The following PTPRM variants were observed in gnomAD, a reference collection of about 807,000 sequenced individuals.
The protein encoded by PTPRM is receptor-type tyrosine-protein phosphatase mu.
PTPRM carries 47 observed loss-of-function variants against 186.7 expected under a neutral mutation model. The ratio of observed to expected loss-of-function variants is 0.25; its 90% CI spans 0.20 to 0.32. PTPRM has a LOEUF of 0.32. PTPRM is among the 10% of genes least tolerant of loss of function. The pLI, the probability that PTPRM is intolerant of heterozygous loss-of-function variation, is 1.00. For synonymous variants in PTPRM, 668 were observed against 674.9 expected, an observed-to-expected ratio of 0.99 and a Z score of 0.16; for missense variants, 1,494 against 1,865.0, an observed-to-expected ratio of 0.80 and a Z score of 3.66.
At chr18:7,929,692 GT>G (rs1428954058) in intron 5 of PTPRM, among the ~76,000 whole-genome samples, 1 of 152,162 alleles carries the variant, frequency 6.6e-6, no homozygotes, top group East Asian at 1.9e-4. Context: ...TAATCTATAT[GT>G]GTACAAAGCA....
At chr18:7,730,364 T>G (rs534989683) in intron 1 of PTPRM, among the ~76,000 whole-genome samples, 1 of 152,342 alleles carries the variant, frequency 6.6e-6, no homozygotes, top group East Asian at 1.9e-4. Flanking sequence ...CCTAAGGATG[T>G]CTTCCTTTAC....
At chr18:8,281,480 C>T (rs1167141336) in intron 19 of PTPRM, among the ~76,000 whole-genome samples, 2 of 152,206 alleles carry the variant, frequency 1.3e-5, no homozygotes, top group African/African-American at 2.4e-5. Flanking sequence ...AGGATGGCCA[C>T]TGCTGCTTGT....
chr18:7,905,749 G>A (rs914015958), intron 3 of PTPRM, among the ~76,000 whole-genome samples: 3 of 152,054 alleles, frequency 2.0e-5, no homozygotes, highest in Non-Finnish European at 4.4e-5. Flanking sequence ...ACCTCCTCAT[G>A]GGAGGTCCTC....
rs144063560 is a variant in PTPRM, at chr18:7,730,824, CT to C, written c.74-43323del. Among the ~76,000 whole-genome samples, 87 of 152,306 alleles carry C rather than the reference CT, an allele frequency of 5.7e-4. 3 individuals carry two copies. In the East Asian group the frequency reaches 0.014, roughly 25 times the overall value. ...TTGTTTCCCTGACATGTTGATTGCA[CT>C]TCACATCACACACAATACCGAGGGA... On this transcript the variant is annotated intron_variant, in intron 1 of 32. Transcript: ENST00000580170.
At chr18:7,645,160 G>T (rs1316730876) in intron 1 of PTPRM, among the ~76,000 whole-genome samples, 2 of 152,054 alleles carry the variant, frequency 1.3e-5, no homozygotes, top group Non-Finnish European at 2.9e-5. Flanking sequence ...TAGTTTTCTA[G>T]TTTTTAAAGT....
chr18:8,214,143 G>T (rs7505348), intron 14 of PTPRM, among the ~76,000 whole-genome samples: 5 of 151,830 alleles, frequency 3.3e-5, no homozygotes, highest in African/African-American at 1.2e-4. Context: ...ATGAAAAACT[G>T]CCTATTGGGG....
At chr18:7,859,229 G>A (rs2047231388) in intron 2 of PTPRM, among the ~76,000 whole-genome samples, 1 of 152,184 alleles carries the variant, frequency 6.6e-6, no homozygotes, top group Non-Finnish European at 1.5e-5. Context: ...TATGTATTAT[G>A]TATATTAATG....
intron 1 of PTPRM, among the ~76,000 whole-genome samples, chr18:7,684,372 G>C (rs1045756802): frequency 3.3e-5 from 5 of 152,028 alleles, no homozygotes; most frequent in African/African-American, 1.2e-4. Context: ...GGGATCATAA[G>C]ATCTACTCTT....
intron 1 of PTPRM, among the ~76,000 whole-genome samples, chr18:7,616,038 G>A (rs576304829): frequency 6.6e-5 from 10 of 152,262 alleles, no homozygotes; most frequent in African/African-American, 2.2e-4. Flanking sequence ...CTCGCGAGCC[G>A]CCACTCATTT....
At chr18:7,813,473 G>T (rs1007646631) in intron 2 of PTPRM, among the ~76,000 whole-genome samples, 1 of 152,092 alleles carries the variant, frequency 6.6e-6, no homozygotes, top group African/African-American at 2.4e-5. Flanking sequence ...TGGTAACCAC[G>T]TAAGAAATAC....
At chr18:8,199,186 A>G (rs2093819656) in intron 14 of PTPRM, among the ~76,000 whole-genome samples, 1 of 152,204 alleles carries the variant, frequency 6.6e-6, no homozygotes. Flanking sequence ...ATATGCCTTA[A>G]GTTATTTCAG....
intron 1 of PTPRM, among the ~76,000 whole-genome samples, chr18:7,598,756 T>G (rs1052747506): frequency 6.6e-6 from 1 of 151,826 alleles, no homozygotes; most frequent in Non-Finnish European, 1.5e-5. Context: ...ACTGGCTGTT[T>G]GGCCTGAGAA....
chr18:8,000,859 C>G (rs1246794130), intron 7 of PTPRM, among the ~76,000 whole-genome samples: 1 of 152,124 alleles, frequency 6.6e-6, no homozygotes, highest in Non-Finnish European at 1.5e-5. Flanking sequence ...TGTGCTTTTC[C>G]AAAGACTTGT....
At chr18:8,208,093 T>A (rs2146925118) in intron 14 of PTPRM, among the ~76,000 whole-genome samples, 1 of 152,320 alleles carries the variant, frequency 6.6e-6, no homozygotes, top group South Asian at 2.1e-4. Flanking sequence ...CAACAAAGGA[T>A]GGGCATGGTC....
chr18:7,873,867 G>A (rs191582039), intron 2 of PTPRM, among the ~76,000 whole-genome samples: 1 of 152,270 alleles, frequency 6.6e-6, no homozygotes, highest in African/African-American at 2.4e-5. Context: ...AACCCTGGAA[G>A]ATTAAAAATA....
At position 7,668,689 on chromosome 18, in the gene PTPRM, G is replaced by A. The variant is rs1048906915; in HGVS notation, c.73+100798G>A. Among the ~76,000 whole-genome samples the A allele has an allele frequency of 4.6e-5, 7 of 152,068 alleles. No individual in the cohort carries two copies. The highest frequency in any genetic ancestry group is 3.9e-4 in the Admixed American group (6 of 15,282). On this transcript the variant is annotated intron_variant, in intron 1 of 32. Coordinates refer to ENST00000580170, the MANE Select transcript of PTPRM (RefSeq NM_001105244.2). The surrounding 1 kb of genome is among the most constrained non-coding windows in gnomAD (Gnocchi z 4.7). ...TGCTGCCTCAGCTCCCTCCCTGGAG[G>A]CTGTAATGGCTGCTTTCTCACCTTC...
In PTPRM at chr18:7,729,508, A is replaced by G. The variant is rs1360106269; in HGVS notation, c.74-44641A>G. On this transcript the variant is annotated intron_variant, in intron 1 of 32. Transcript: ENST00000580170. ...GAACTTCCATTGTATTTAAAATAGCATTTATTTTATAATAAGGCTGAAAAA... is the reference window on the plus strand; with the variant it reads ...GAACTTCCATTGTATTTAAAATAGCGTTTATTTTATAATAAGGCTGAAAAA... Among the ~76,000 whole-genome samples, 4 of 151,420 alleles carry G rather than the reference A, an allele frequency of 2.6e-5. No homozygotes were observed. In the East Asian group the frequency reaches 7.8e-4, roughly 29 times the overall value.
intron 7 of PTPRM, among the ~76,000 whole-genome samples, chr18:7,972,070 A>G (rs1278569796): frequency 1.2e-5 from 1 of 80,808 alleles, no homozygotes; most frequent in African/African-American, 7.7e-5. Context: ...CCAAATGTCC[A>G]ACAATGATAG....
At chr18:8,063,073 A>G (rs9946328) in intron 7 of PTPRM, among the ~76,000 whole-genome samples, 13,249 of 141,600 alleles carry the variant, frequency 0.094, 450 homozygotes, top group Middle Eastern at 0.24. Context: ...GCCGCCTTGC[A>G]GTTTGATCTC....
Sources: gnomAD v4.1 joint callset for allele counts (sites outside exome capture counted in the v4.1 genomes callset) on GRCh38, gnomAD v4.1.1 for gene constraint, Gnocchi (gnomAD v3.1) non-coding constraint, MANE v1.5 for transcripts, NCBI Gene and HGNC (gene_info 2026-07-23, HGNC 2026-07-21) for gene names.